LRRTM4: variants seen among roughly 807,000 people sequenced by gnomAD.
LRRTM4 encodes leucine-rich repeat transmembrane neuronal protein 4.
Under a neutral mutation model 47.6 loss-of-function variants are expected in LRRTM4, and 25 were observed. The ratio of observed to expected loss-of-function variants is 0.53; its 90% CI spans 0.38 to 0.73. The LOEUF is 0.73. Ranked by LOEUF, LRRTM4 falls within the 30% of genes least tolerant of loss-of-function variation. LRRTM4 has a pLI of 0.00. For synonymous variants in LRRTM4, 311 were observed against 269.5 expected (o/e 1.15, Z -1.51); for missense variants, 638 against 713.4 (o/e 0.89, Z 1.20).
intron 3 of LRRTM4, among the ~76,000 whole-genome samples, chr2:76,908,236 C>A (rs1464385790): frequency 3.1e-4 from 47 of 151,884 alleles, no homozygotes; most frequent in African/African-American, 1.1e-3. Flanking sequence ...GAACCAAAGA[C>A]AAAAACCACA....
chr2:76,918,225 A>G (rs1322329482), intron 3 of LRRTM4, among the ~76,000 whole-genome samples: 1 of 152,248 alleles, frequency 6.6e-6, no homozygotes, highest in Non-Finnish European at 1.5e-5. Flanking sequence ...TCCATTTATG[A>G]AAATTCTTCA....
chr2:77,080,688 A>C (rs990099590), intron 3 of LRRTM4, among the ~76,000 whole-genome samples: 2 of 152,212 alleles, frequency 1.3e-5, no homozygotes, highest in East Asian at 3.9e-4. Context: ...ACTTTAAAAA[A>C]TTATGGTAGC....
intron 3 of LRRTM4, among the ~76,000 whole-genome samples, chr2:76,824,546 A>G (rs181035723): frequency 8.7e-5 from 13 of 149,260 alleles, no homozygotes; most frequent in Admixed American, 3.3e-4. Context: ...CACTAAGGAA[A>G]GAGTAGGCAG....
At chr2:76,768,472 G>A (rs113713905) in intron 3 of LRRTM4, among the ~76,000 whole-genome samples, 398 of 152,122 alleles carry the variant, frequency 2.6e-3, no homozygotes, top group African/African-American at 9.0e-3. Context: ...AGGAAGTGAC[G>A]GTTTCTTCAA....
chr2:77,418,717 G>A (rs1044459482), intron 3 of LRRTM4, among the ~76,000 whole-genome samples: 1 of 152,084 alleles, frequency 6.6e-6, no homozygotes, highest in African/African-American at 2.4e-5. Context: ...CTAAATATTT[G>A]AACTTGTTGT....
rs1380937845 is a variant in LRRTM4 at position 77,477,927 on chromosome 2, GAAAGAAAGAAAGAA to G, written c.1551+40377_1551+40390del. On this transcript the variant is annotated intron_variant, in intron 3 of 3. Transcript: ENST00000409884. ...AAAAAGAAAGAAAGAAAGAAAGAAA[GAAAGAAAGAAAGAA>G]AGAAAGAAAGAAAGAAAGAAAGAAA... 2.6e-3 allele frequency among the ~76,000 whole-genome samples: 262 copies of G among 101,058 alleles called. 3 individuals are homozygous for G. The highest frequency in any genetic ancestry group is 9.1e-3 in the African/African-American group (255 of 27,978). The allele number at this position is 101,058 out of a possible 152,430, so 66.3% of individuals were successfully genotyped here. A position where few individuals can be genotyped will look rare whatever the true frequency, so the allele number is the denominator to read the frequency against.
At chr2:77,042,497 G>C (rs1679067836) in intron 3 of LRRTM4, among the ~76,000 whole-genome samples, 1 of 151,538 alleles carries the variant, frequency 6.6e-6, no homozygotes. Context: ...ACTTAATATT[G>C]AATATTATAG....
intron 3 of LRRTM4, among the ~76,000 whole-genome samples, chr2:77,197,320 A>T (rs1673856640): frequency 6.6e-6 from 1 of 152,184 alleles, no homozygotes; most frequent in Admixed American, 6.6e-5. Context: ...ACATAGTAAG[A>T]TATATTAGTG....
chr2:77,113,904 A>G (rs1030659482), intron 3 of LRRTM4, among the ~76,000 whole-genome samples: 2 of 152,282 alleles, frequency 1.3e-5, no homozygotes, highest in South Asian at 2.1e-4. Context: ...TATATGGCCC[A>G]GGGCTGTCCT....
intron 3 of LRRTM4, among the ~76,000 whole-genome samples, chr2:76,834,842 T>G (rs75030378): frequency 0.078 from 11,926 of 152,214 alleles, 506 homozygotes; most frequent in Middle Eastern, 0.15. Flanking sequence ...GCAATAGTAC[T>G]TGAATAAATG....
At chr2:76,815,816 G>A (rs988099850) in intron 3 of LRRTM4, among the ~76,000 whole-genome samples, 1 of 151,986 alleles carries the variant, frequency 6.6e-6, no homozygotes, top group African/African-American at 2.4e-5. Context: ...AAACATAAAG[G>A]AATACAAATA....
chr2:77,464,898 AT>A (rs1210016476), intron 3 of LRRTM4, among the ~76,000 whole-genome samples: 1 of 152,222 alleles, frequency 6.6e-6, no homozygotes, highest in African/African-American at 2.4e-5. Context: ...TAAACTAATG[AT>A]TGAAAACACA....
intron 3 of LRRTM4, among the ~76,000 whole-genome samples, chr2:76,967,933 C>A (rs1166024828): frequency 6.6e-6 from 1 of 151,412 alleles, no homozygotes; most frequent in Non-Finnish European, 1.5e-5. Context: ...CTGTTTCCAG[C>A]TGCTAGCTCA....
At chr2:77,275,062 A>G (rs1469643605) in intron 3 of LRRTM4, among the ~76,000 whole-genome samples, 1 of 152,166 alleles carries the variant, frequency 6.6e-6, no homozygotes, top group Non-Finnish European at 1.5e-5. Context: ...ACTCTTAAAA[A>G]AAAGAGGGAA....
At position 76,919,476 on chromosome 2, in the gene LRRTM4, G is replaced by C. The variant is rs149662126; in HGVS notation, c.1552-170560C>G. Among the ~76,000 whole-genome samples the C allele has an allele frequency of 2.2e-3, 336 of 152,216 alleles. 5 individuals are homozygous for C. The highest frequency in any genetic ancestry group is 6.8e-3 in the African/African-American group (283 of 41,534). On this transcript the variant is annotated intron_variant, in intron 3 of 3. Transcript: ENST00000409884. ...ACAAAACTTTCTTGAGAATGTGTGA[G>C]GTTTGAGCAACCCAGCCCTTCTGGT...
In LRRTM4 at chr2:77,275,631, G is replaced by A. The variant is rs568484557; in HGVS notation, c.1551+242687C>T. Among the ~76,000 whole-genome samples the A allele has an allele frequency of 1.2e-4, 19 of 152,154 alleles. 1 individual carries two copies. The South Asian group carries it at 3.9e-3, about 32-fold the overall frequency. On this transcript the variant is annotated intron_variant, in intron 3 of 3. Transcript: ENST00000409884. Reference sequence around the variant, plus strand: ...CTTGCTTGGCTACCCTCCGGTCTATGCAAGGATTTAGGCTTCTAGGGACCT... The same window carrying A: ...CTTGCTTGGCTACCCTCCGGTCTATACAAGGATTTAGGCTTCTAGGGACCT...
intron 3 of LRRTM4, among the ~76,000 whole-genome samples, chr2:76,897,128 T>C (rs933432089): frequency 1.3e-5 from 2 of 152,112 alleles, no homozygotes; most frequent in African/African-American, 4.8e-5. Flanking sequence ...TTGAAAGCAA[T>C]ACACGTACTC....
chr2:77,336,514 T>C (rs184925985), intron 3 of LRRTM4, among the ~76,000 whole-genome samples: 1 of 152,154 alleles, frequency 6.6e-6, no homozygotes, highest in East Asian at 1.9e-4. Context: ...AAAAAGATAA[T>C]TCACTACAAT....
rs189473575 is a variant in LRRTM4 at position 77,068,149 on chromosome 2, T to C, written c.1552-319233A>G. ...GAGACTGGTTTATTTGTGTATAATCTATTATGGAAATAAGACCATAAATTT... is the reference window on the plus strand; with the variant it reads ...GAGACTGGTTTATTTGTGTATAATCCATTATGGAAATAAGACCATAAATTT... On this transcript the variant is annotated intron_variant, in intron 3 of 3. Coordinates refer to ENST00000409884, the MANE Select transcript of LRRTM4 (RefSeq NM_001134745.3). Among the ~76,000 whole-genome samples, 296 of 152,310 alleles carry C rather than the reference T, an allele frequency of 1.9e-3. 4 individuals carry two copies. The highest frequency in any genetic ancestry group is 6.9e-3 in the African/African-American group (286 of 41,582).
Sources: allele counts gnomAD v4.1 joint callset (sites outside exome capture counted in the v4.1 genomes callset), GRCh38; gene constraint gnomAD v4.1.1; transcripts MANE v1.5; gene names NCBI Gene and HGNC (gene_info 2026-07-23, HGNC 2026-07-21).